PAX5: variants seen among roughly 807,000 people sequenced by gnomAD.
The protein encoded by PAX5 is paired box protein Pax-5.
A neutral mutation model predicts 43.7 loss-of-function variants in PAX5; 9 were observed. The observed-to-expected ratio is 0.21, with a 90% CI of 0.12 to 0.36. PAX5 has a LOEUF of 0.36. PAX5 is among the 10% of genes least tolerant of loss of function. The probability of loss-of-function intolerance (pLI) is 1.00; values close to 1 mark genes in which losing one functional copy is unlikely to be tolerated. For missense variants in PAX5, 383 were observed against 532.7 expected (o/e 0.72, Z 2.77); for synonymous variants, 228 against 214.3 (o/e 1.06, Z -0.56).
At chr9:37,022,036 G>T (rs1839901493) in intron 1 of PAX5, among the ~76,000 whole-genome samples, 1 of 151,966 alleles carries the variant, frequency 6.6e-6, no homozygotes, top group Non-Finnish European at 1.5e-5. Context: ...TACAACCCAG[G>T]TTCATGAACC....
chr9:36,885,659 C>T (rs558464308), intron 7 of PAX5, among the ~76,000 whole-genome samples: 2 of 152,146 alleles, frequency 1.3e-5, no homozygotes, highest in East Asian at 1.9e-4. Flanking sequence ...CCCTCTCCAC[C>T]CCTGCCCTGT....
At position 36,966,609 on chromosome 9, in the gene PAX5, C is replaced by T. The variant is rs1211874115; in HGVS notation, c.720G>A (p.Val240=). 1 of 1,614,222 alleles carries T rather than the reference C, an allele frequency of 6.2e-7. No individual in the cohort carries two copies. The highest frequency in any genetic ancestry group is 8.5e-7 in the Non-Finnish European group (1 of 1,180,032). The part of the protein sequence containing the change: ...TQQQLEVLDR[V]FERQHYSDIF... ...TGTCTGAGTAGTGCTGCCTCTCAAA[C>T]ACGCGGTCCAGCACCTCCAGCTGCT... is the stretch of plus-strand genomic sequence containing the variant. Residue 240 remains valine, a synonymous_variant, in exon 6 of 10, where the codon GTG becomes GTA. Transcript: ENST00000358127.
At chr9:36,991,639 C>T (rs1332171915) in intron 5 of PAX5, among the ~76,000 whole-genome samples, 2 of 152,204 alleles carry the variant, frequency 1.3e-5, no homozygotes, top group Admixed American at 6.5e-5. Context: ...GCACTGCCAC[C>T]TCCGACCCAG....
chr9:36,994,650 A>G (rs1423140882), intron 5 of PAX5, among the ~76,000 whole-genome samples: 1 of 152,198 alleles, frequency 6.6e-6, no homozygotes, highest in Non-Finnish European at 1.5e-5. Flanking sequence ...AGGAAAACAG[A>G]GCACAAGTGC....
At chr9:36,889,657 GT>G (rs1827200079) in intron 7 of PAX5, among the ~76,000 whole-genome samples, 4 of 152,314 alleles carry the variant, frequency 2.6e-5, no homozygotes, top group Admixed American at 2.6e-4. Context: ...TAGACTGGAA[GT>G]CCCCAGAGAT....
intron 7 of PAX5, among the ~76,000 whole-genome samples, chr9:36,892,778 A>T (rs1256472744): frequency 6.6e-6 from 1 of 152,242 alleles, no homozygotes; most frequent in African/African-American, 2.4e-5. Context: ...TATTTATTAT[A>T]CAGTTTTGAG....
intron 1 of PAX5, among the ~76,000 whole-genome samples, chr9:37,031,896 T>C (rs919636891): frequency 3.9e-5 from 6 of 152,114 alleles, no homozygotes; most frequent in African/African-American, 1.4e-4. Flanking sequence ...TATTGGCCCA[T>C]GAAATACCCA....
chr9:36,924,842 G>A (rs28493805), intron 6 of PAX5, among the ~76,000 whole-genome samples: 24 of 442 alleles, frequency 0.054, no homozygotes, highest in East Asian at 0.12. Context: ...GGAGAGAAAG[G>A]GAGGGAGGGA....
intron 5 of PAX5, among the ~76,000 whole-genome samples, chr9:36,999,220 A>C (rs1388273496): frequency 6.6e-6 from 1 of 152,156 alleles, no homozygotes; most frequent in Admixed American, 6.5e-5. Flanking sequence ...CTCCCTGCAC[A>C]TGCTCACCAG....
At chr9:36,895,548 T>C (rs145402116) in intron 7 of PAX5, among the ~76,000 whole-genome samples, 4 of 152,208 alleles carry the variant, frequency 2.6e-5, no homozygotes, top group Non-Finnish European at 5.9e-5. Flanking sequence ...GGGATAATGA[T>C]ACCTCCTTAG....
At position 36,862,211 on chromosome 9, in the gene PAX5, A is replaced by AGGG. The variant is rs1824284374; in HGVS notation, c.1013-15283_1013-15282insCCC. On this transcript the variant is annotated intron_variant, in intron 8 of 9. Transcript: ENST00000358127. ...GGGTCCCTACGGGGTTGTGGTGAGG[A>AGGG]TTCTAAGAGAAGATGGGTGTGGAAG... Among the ~76,000 whole-genome samples the AGGG allele has an allele frequency of 2.0e-5, 3 of 152,242 alleles. No individual in the cohort carries two copies. The South Asian group carries it at 6.2e-4, about 32-fold the overall frequency.
intron 5 of PAX5, among the ~76,000 whole-genome samples, chr9:36,992,007 G>A (rs530665750): frequency 6.6e-6 from 1 of 152,190 alleles, no homozygotes; most frequent in South Asian, 2.1e-4. Context: ...TTCTAACACA[G>A]GGATAAAATG....
At chr9:37,014,188 T>C (rs1839198227) in intron 3 of PAX5, among the ~76,000 whole-genome samples, 1 of 152,182 alleles carries the variant, frequency 6.6e-6, no homozygotes, top group Non-Finnish European at 1.5e-5. Flanking sequence ...CTTTCTTCCA[T>C]ACATTTATTT....
At chr9:36,984,923 G>A (rs1442908478) in intron 5 of PAX5, among the ~76,000 whole-genome samples, 1 of 152,158 alleles carries the variant, frequency 6.6e-6, no homozygotes, top group East Asian at 1.9e-4. Context: ...AGCTGGGCTG[G>A]GAGCAGGGAC....
intron 6 of PAX5, among the ~76,000 whole-genome samples, chr9:36,926,105 C>T (rs1263736708): frequency 1.3e-5 from 2 of 152,142 alleles, no homozygotes; most frequent in East Asian, 3.8e-4. Flanking sequence ...GAAACTGAGG[C>T]TTTTATGATA....
chr9:37,013,261 C>T (rs890938783), intron 3 of PAX5, among the ~76,000 whole-genome samples: 10 of 152,144 alleles, frequency 6.6e-5, no homozygotes, highest in African/African-American at 1.7e-4. Context: ...CCCCTTTAAT[C>T]GGACTTGTGC....
At chr9:36,981,796 C>T (rs1835967498) in intron 5 of PAX5, among the ~76,000 whole-genome samples, 2 of 152,262 alleles carry the variant, frequency 1.3e-5, no homozygotes, top group South Asian at 4.1e-4. Context: ...TCTTACACTT[C>T]TCTCAACACA....
chr9:36,842,330 A>G (rs1031132442), intron 9 of PAX5, among the ~76,000 whole-genome samples: 1 of 152,100 alleles, frequency 6.6e-6, no homozygotes, highest in Non-Finnish European at 1.5e-5. Context: ...TGAGAGGGGC[A>G]TGGCACGAAG....
intron 8 of PAX5, among the ~76,000 whole-genome samples, chr9:36,876,887 AC>A (rs1167853114): frequency 6.6e-6 from 1 of 152,238 alleles, no homozygotes; most frequent in East Asian, 1.9e-4. Flanking sequence ...ATCAAGCTGA[AC>A]ATGAGTCCAA....
Sources: gnomAD v4.1 joint callset for allele counts (sites outside exome capture counted in the v4.1 genomes callset) on GRCh38, gnomAD v4.1.1 for gene constraint, MANE v1.5 for transcripts, NCBI Gene and HGNC (gene_info 2026-07-23, HGNC 2026-07-21) for gene names.